ETV5: variants seen among roughly 807,000 people sequenced by gnomAD.
The protein encoded by ETV5 is ETS variant transcription factor 5.
In ETV5, 10 loss-of-function variants were observed where a neutral mutation model predicts 70.0. The observed-to-expected ratio is 0.14, with a 90% CI of 0.09 to 0.24. ETV5 has a LOEUF of 0.24. Ranked by LOEUF, ETV5 falls within the 10% of genes least tolerant of loss-of-function variation. The probability of loss-of-function intolerance (pLI) is 1.00; values close to 1 mark genes in which losing one functional copy is unlikely to be tolerated. For missense variants in ETV5, 453 were observed against 651.2 expected, an observed-to-expected ratio of 0.70 and a Z score of 3.31; for synonymous variants, 216 against 242.2, an observed-to-expected ratio of 0.89 and a Z score of 1.01.
Position 186,107,039 on chromosome 3 carries a change from A to C in ETV5, c.-74-1097T>G, listed in dbSNP as rs917915217. 2.1e-5 allele frequency: 15 copies of C among 709,154 alleles called. No homozygotes were observed. In the Admixed American group the frequency reaches 9.4e-4, roughly 45 times the overall value. 43.9% of individuals were successfully genotyped at this position (709,154 alleles called of 1,614,324 possible). ...CAGGAAACTTTTCCCCCGGTGAGCA[A>C]TTCCATCCAATTTGTTTTTCACACT... On this transcript the variant is annotated intron_variant, in intron 1 of 12. Transcript: ENST00000306376.
At chr3:186,076,203 C>A (rs1218263968) in intron 7 of ETV5, 1 of 222,054 alleles carries the variant, frequency 4.5e-6, no homozygotes, top group Non-Finnish European at 9.0e-6. Context: ...GGCTTTCAAA[C>A]ACAGTATTTA....
In ETV5 at chr3:186,064,484, G is replaced by A. The variant is rs1560047249; in HGVS notation, c.911-8C>T. On this transcript the variant is annotated splice_region_variant and splice_polypyrimidine_tract_variant and intron_variant, in intron 8 of 12. Transcript: ENST00000306376. ...ACTGGCAGTTAGGCACTTCTGAAAG[G>A]AAAGCAAAGGTGGACACAATCCTGT... The A allele has an allele frequency of 6.2e-7, 1 of 1,613,974 alleles. No homozygotes were observed. Among genetic ancestry groups the A allele is most frequent in the Non-Finnish European group, 8.5e-7 (1 of 1,179,880 alleles).
intron 7 of ETV5, among the ~76,000 whole-genome samples, chr3:186,073,477 C>T (rs1053067645): frequency 1.3e-5 from 2 of 152,118 alleles, no homozygotes; most frequent in African/African-American, 2.4e-5. Flanking sequence ...AGCAGCAGAG[C>T]GGCGATTCAA....
intron 1 of ETV5, among the ~76,000 whole-genome samples, chr3:186,108,049 C>T (rs1714635937): frequency 6.6e-6 from 1 of 151,764 alleles, no homozygotes; most frequent in South Asian, 2.1e-4. Flanking sequence ...GAAAGAAACC[C>T]GCTTCATTCA....
At chr3:186,103,157 A>G (rs192149473) in intron 5 of ETV5, among the ~76,000 whole-genome samples, 26 of 152,106 alleles carry the variant, frequency 1.7e-4, no homozygotes, top group Middle Eastern at 3.4e-3. Flanking sequence ...TAAAACAAAA[A>G]GTAAGCAAAG....
chr3:186,095,105 C>T (rs1714274040), intron 5 of ETV5: 1 of 152,196 alleles, frequency 6.6e-6, no homozygotes. Context: ...AATTTTAATA[C>T]TCAACCTGTA....
chr3:186,049,794 G>A (rs955761091), intron 12 of ETV5, among the ~76,000 whole-genome samples: 2 of 152,100 alleles, frequency 1.3e-5, no homozygotes, highest in South Asian at 2.1e-4. Context: ...AGTGTTGTAC[G>A]CTGGTTTTAC....
intron 5 of ETV5, among the ~76,000 whole-genome samples, chr3:186,103,610 T>C (rs1272616382): frequency 7.1e-6 from 1 of 140,340 alleles, no homozygotes; most frequent in Non-Finnish European, 1.6e-5. Flanking sequence ...ACCCTGTCTT[T>C]CATCTTGCAA....
chr3:186,048,740 C>T lies in ETV5; in HGVS notation c.1432G>A (p.Glu478Lys). 1.9e-6 allele frequency: 3 copies of T among 1,614,174 alleles called. No homozygotes were observed. Among genetic ancestry groups the T allele is most frequent in the Non-Finnish European group, 2.5e-6 (3 of 1,180,024 alleles). Residue 478 changes from glutamate (E) to lysine (K), a missense_variant, in exon 13 of 13, where the codon GAG (glutamate) becomes AAG (lysine). By Grantham distance (56) the Glu-to-Lys change is moderately conservative. This residue lies in a region of ETV5 where 74 missense variants were observed against 95.2 expected (regional missense o/e 0.78). Transcript: ENST00000306376. The stretch of plus-strand genomic sequence containing the variant: ...AAGTGGGTCAGCGGCAGGGTGTCCT[C>T]CTCGCTGAGGTGGCACTCGGACTCT... Reference protein sequence around the residue: ...KAESECHLSEEDTLPLTHFED... With the variant: ...KAESECHLSEKDTLPLTHFED...
chr3:186,086,327 A>C (rs1714057871), intron 5 of ETV5, among the ~76,000 whole-genome samples: 1 of 152,214 alleles, frequency 6.6e-6, no homozygotes, highest in Non-Finnish European at 1.5e-5. Context: ...TGCTTTTCTT[A>C]TTAGACTACG....
chr3:186,047,865 A>C lies in ETV5; in HGVS notation c.*774T>G, dbSNP rs1473446440. On this transcript the variant is annotated 3_prime_UTR_variant, in exon 13 of 13. Transcript: ENST00000306376. Reference sequence around the variant, plus strand: ...AGTTTATAAACTGTTTTTCCAAAACAACCACCAAAACAAAACAATCCCCCA... The same window carrying C: ...AGTTTATAAACTGTTTTTCCAAAACCACCACCAAAACAAAACAATCCCCCA... 3.0e-5 allele frequency: 7 copies of C among 233,688 alleles called. No individual in the cohort carries two copies. Among genetic ancestry groups the C allele is most frequent in the South Asian group, 1.8e-4 (1 of 5,524 alleles). The allele number at this position is 233,688 out of a possible 1,614,324, so 14.5% of individuals were successfully genotyped here.
At chr3:186,099,279 G>A (rs935044019) in intron 5 of ETV5, among the ~76,000 whole-genome samples, 21 of 148,962 alleles carry the variant, frequency 1.4e-4, no homozygotes, top group Non-Finnish European at 2.9e-4. Flanking sequence ...AGAGGGATAG[G>A]ACAATGATAG....
intron 5 of ETV5, among the ~76,000 whole-genome samples, chr3:186,083,218 G>A (rs1357064716): frequency 6.6e-6 from 1 of 152,172 alleles, no homozygotes; most frequent in African/African-American, 2.4e-5. Flanking sequence ...CCTCTCACCA[G>A]TCTTCTGCTA....
intron 7 of ETV5, among the ~76,000 whole-genome samples, chr3:186,072,362 A>ACTCT (rs1713663349): frequency 6.8e-6 from 1 of 146,026 alleles, no homozygotes; most frequent in South Asian, 2.2e-4. Context: ...ACAGAGTGAG[A>ACTCT]CTCTATCTCA....
chr3:186,108,547 G>A (rs956044795), intron 1 of ETV5: 2 of 1,278,182 alleles, frequency 1.6e-6, no homozygotes, highest in East Asian at 5.7e-5. Context: ...TCCCAACTGC[G>A]GAGCTCCGCC....
chr3:186,107,909 GC>G (rs1273054641), intron 1 of ETV5, among the ~76,000 whole-genome samples: 3 of 146,082 alleles, frequency 2.1e-5, no homozygotes, highest in Admixed American at 6.8e-5. Context: ...CTGCGCCCCC[GC>G]CCCCATTTCC....
Position 186,047,049 on chromosome 3 carries a change from C to G in ETV5, c.*1590G>C, listed in dbSNP as rs138737120. On this transcript the variant is annotated 3_prime_UTR_variant, in exon 13 of 13. Transcript: ENST00000306376. ...ATGAATAGAAAAGCAGTTCAAAGCA[C>G]GTGTCTCACACTCACGGAGTCAGCA... 23 of 227,990 alleles carry G rather than the reference C, an allele frequency of 1.0e-4. No homozygotes were observed. Among genetic ancestry groups the G allele is most frequent in the African/African-American group, 4.6e-4 (21 of 45,174 alleles). 14.1% of individuals were successfully genotyped at this position (227,990 alleles called of 1,614,324 possible). A position where few individuals can be genotyped will look rare whatever the true frequency, so the allele number is the denominator to read the frequency against.
At chr3:186,092,662 G>A (rs1215270653) in intron 5 of ETV5, among the ~76,000 whole-genome samples, 1 of 151,632 alleles carries the variant, frequency 6.6e-6, no homozygotes, top group Admixed American at 6.6e-5. Flanking sequence ...TCAATCTCCT[G>A]GCATCATATG....
chr3:186,077,872 C>T (rs1713834229), intron 7 of ETV5: 1 of 390,086 alleles, frequency 2.6e-6, no homozygotes. Context: ...TGTATCACCC[C>T]AGTGTGTGTG....
Sources: allele counts gnomAD v4.1 joint callset (sites outside exome capture counted in the v4.1 genomes callset), GRCh38; gene constraint gnomAD v4.1.1; regional missense constraint gnomAD v4.1.1; transcripts MANE v1.5; gene names NCBI Gene and HGNC (gene_info 2026-07-23, HGNC 2026-07-21).